The following SND1 variants were observed in gnomAD, a reference collection of about 807,000 sequenced individuals.
SND1 encodes the protein staphylococcal nuclease and tudor domain containing 1.
A neutral mutation model predicts 121.7 loss-of-function variants in SND1; 38 were observed. That is an observed-to-expected ratio of 0.31 (90% CI 0.24 to 0.41). The LOEUF is 0.41. Ranked by LOEUF, SND1 falls within the 10% of genes least tolerant of loss-of-function variation. SND1 has a pLI of 1.00. For missense variants in SND1, 868 were observed against 1,184.6 expected (o/e 0.73, Z 3.92); for synonymous variants, 401 against 447.4 (o/e 0.90, Z 1.31).
intron 12 of SND1, among the ~76,000 whole-genome samples, chr7:127,866,397 T>A (rs1248528347): frequency 6.6e-6 from 1 of 152,226 alleles, no homozygotes; most frequent in Non-Finnish European, 1.5e-5. Flanking sequence ...GGGCTGCCCA[T>A]CAATAATAGC....
intron 11 of SND1, among the ~76,000 whole-genome samples, chr7:127,822,648 G>A (rs1280686181): frequency 6.6e-6 from 1 of 152,126 alleles, no homozygotes; most frequent in East Asian, 1.9e-4. Context: ...GGTAGCATCT[G>A]TTAATACTTG....
At chr7:127,878,575 C>A (rs1483418396) in intron 12 of SND1, among the ~76,000 whole-genome samples, 10 of 152,068 alleles carry the variant, frequency 6.6e-5, no homozygotes, top group Admixed American at 3.3e-4. Flanking sequence ...CAAAGCCTGG[C>A]TAGGGATGTC....
At chr7:127,681,690 C>G (rs558871536) in intron 1 of SND1, among the ~76,000 whole-genome samples, 5 of 152,240 alleles carry the variant, frequency 3.3e-5, no homozygotes, top group South Asian at 2.1e-4. Context: ...CAACTTCATT[C>G]TTTTGCACAT....
intron 12 of SND1, among the ~76,000 whole-genome samples, chr7:127,862,205 G>A (rs981676402): frequency 1.3e-5 from 2 of 152,148 alleles, no homozygotes; most frequent in African/African-American, 2.4e-5. Flanking sequence ...TCAGAATGTC[G>A]TTATTCTACA....
chr7:127,746,429 T>C (rs1401295636), intron 10 of SND1, among the ~76,000 whole-genome samples: 1 of 152,114 alleles, frequency 6.6e-6, no homozygotes, highest in Admixed American at 6.5e-5. Context: ...ACAACTGTTG[T>C]TGAGCCTCAA....
chr7:127,676,452 C>T (rs1056323836), intron 1 of SND1, among the ~76,000 whole-genome samples: 1 of 152,134 alleles, frequency 6.6e-6, no homozygotes, highest in Non-Finnish European at 1.5e-5. Context: ...AGTTTGCGTT[C>T]AAACTCAAGG....
At chr7:128,009,437 G>T (rs1803061085) in intron 16 of SND1, among the ~76,000 whole-genome samples, 1 of 152,214 alleles carries the variant, frequency 6.6e-6, no homozygotes, top group African/African-American at 2.4e-5. Context: ...GGCAGCAAGA[G>T]ATGGAAAAAG....
chr7:127,993,657 T>C (rs1802570902), intron 16 of SND1, among the ~76,000 whole-genome samples: 1 of 152,282 alleles, frequency 6.6e-6, no homozygotes, highest in South Asian at 2.1e-4. Context: ...ACCAGGTATT[T>C]TGAAGACGTG....
At chr7:127,853,772 A>G (rs1799218321) in intron 12 of SND1, among the ~76,000 whole-genome samples, 1 of 152,208 alleles carries the variant, frequency 6.6e-6, no homozygotes, top group Admixed American at 6.5e-5. Flanking sequence ...GTTTTGTGGT[A>G]AATATATGAT....
intron 15 of SND1, among the ~76,000 whole-genome samples, chr7:127,966,746 A>G (rs1801862256): frequency 8.5e-6 from 1 of 117,274 alleles, no homozygotes; most frequent in African/African-American, 3.5e-5. Flanking sequence ...CCACAAGAGA[A>G]AGCAGGAAAG....
intron 12 of SND1, among the ~76,000 whole-genome samples, chr7:127,886,203 G>T (rs1397612527): frequency 1.3e-5 from 2 of 151,952 alleles, no homozygotes; most frequent in Non-Finnish European, 2.9e-5. Flanking sequence ...TTAATACCGT[G>T]CTGGCAGTAG....
intron 16 of SND1, among the ~76,000 whole-genome samples, chr7:127,994,297 G>A (rs920888378): frequency 1.3e-5 from 2 of 151,902 alleles, no homozygotes; most frequent in African/African-American, 2.4e-5. Context: ...GCCCTCTTAC[G>A]TTGCATTTCT....
chr7:127,887,248 G>A (rs946298180), intron 12 of SND1, among the ~76,000 whole-genome samples: 2 of 151,958 alleles, frequency 1.3e-5, no homozygotes, highest in Non-Finnish European at 2.9e-5. Context: ...CCCAGCGCCC[G>A]GGCCTCCCAA....
rs747147080 is a variant in SND1, at chr7:128,086,950, C to A, written c.2317C>A (p.Pro773Thr). 6.2e-7 allele frequency: 1 copy of A among 1,614,040 alleles called. No individual in the cohort carries two copies. The highest frequency in any genetic ancestry group is 8.5e-7 in the Non-Finnish European group (1 of 1,179,926). The part of the protein sequence containing the change: ...YIDYGNREVL[P>T]STRLGTLSPA... ...GCTTCCTCTGCAGAGAGAGGTCCTG[C>A]CATCCACCCGCCTGGGTACCCTATC... Residue 773 changes from proline to threonine, a missense_variant, in exon 21 of 24, where the codon CCA (proline) becomes ACA (threonine). Physicochemically the swap from Pro to Thr is conservative, Grantham distance 38 (BLOSUM62 -1). This residue lies in a region of SND1 where 743 missense variants were observed against 1,071.3 expected (regional missense o/e 0.69). Coordinates refer to ENST00000354725, the MANE Select transcript of SND1 (RefSeq NM_014390.4).
At chr7:127,970,443 C>T (rs974655480) in intron 15 of SND1, among the ~76,000 whole-genome samples, 1 of 152,164 alleles carries the variant, frequency 6.6e-6, no homozygotes, top group African/African-American at 2.4e-5. Context: ...CCAGCTATAA[C>T]ATTTTGTGAT....
intron 15 of SND1, among the ~76,000 whole-genome samples, chr7:127,970,937 C>A (rs1233263643): frequency 4.0e-5 from 6 of 150,864 alleles, no homozygotes. Flanking sequence ...AAGCGAGACC[C>A]TGTCTCTATA....
At chr7:127,832,247 T>A (rs1436040812) in intron 11 of SND1, among the ~76,000 whole-genome samples, 2 of 152,238 alleles carry the variant, frequency 1.3e-5, no homozygotes, top group Non-Finnish European at 2.9e-5. Context: ...TGTACATACA[T>A]CTTTGTTTCT....
At chr7:127,998,191 G>T (rs1415837213) in intron 16 of SND1, 2 of 324,760 alleles carry the variant, frequency 6.2e-6, no homozygotes, top group Non-Finnish European at 1.2e-5. Flanking sequence ...TGTCCTTTAT[G>T]GTTCTTTAGG....
At chr7:128,081,579 A>G in intron 18 of SND1, 78 bp downstream of exon 18, 2 of 1,545,426 alleles carry the variant, frequency 1.3e-6, no homozygotes, top group South Asian at 2.3e-5. Context: ...GCCTCTGCCC[A>G]GTGGGTGGGA....
Sources: gnomAD v4.1 joint callset for allele counts (sites outside exome capture counted in the v4.1 genomes callset) on GRCh38, gnomAD v4.1.1 for gene constraint, gnomAD v4.1.1 regional missense constraint, MANE v1.5 for transcripts, NCBI Gene and HGNC (gene_info 2026-07-23, HGNC 2026-07-21) for gene names.